COL15A1: variants seen among roughly 807,000 people sequenced by gnomAD.
COL15A1 encodes collagen alpha-1(XV) chain.
COL15A1 carries 111 observed loss-of-function variants against 165.9 expected under a neutral mutation model. The observed-to-expected ratio is 0.67, with a 90% confidence interval of 0.57 to 0.78. The LOEUF (loss-of-function observed/expected upper bound fraction) is 0.78, where lower values mean the gene tolerates loss of function less well. Ranked by LOEUF, COL15A1 falls within the 30% of genes least tolerant of loss-of-function variation. The pLI is 0.00. For synonymous variants in COL15A1, 659 were observed against 674.8 expected (o/e 0.98, Z 0.36); for missense variants, 1,745 against 1,789.7 (o/e 0.98, Z 0.45).
intron 11 of COL15A1, among the ~76,000 whole-genome samples, chr9:99,017,199 A>T (rs1426636842): frequency 6.6e-6 from 1 of 152,248 alleles, no homozygotes; most frequent in African/African-American, 2.4e-5. Context: ...TCTGTGCTCC[A>T]AGTTTACCTG....
At position 99,030,461 on chromosome 9, in the gene COL15A1, G is replaced by A. The variant is rs544949148; in HGVS notation, c.2044-4088G>A. Among the ~76,000 whole-genome samples the A allele has an allele frequency of 4.6e-5, 7 of 152,258 alleles. No homozygotes were observed. In the East Asian group the frequency reaches 9.6e-4, roughly 21 times the overall value. ...CTGTTCACATAAGTTCCAGTAAAGT[G>A]GACTCTTCTACCCACAAGTTAATCT... is the stretch of plus-strand genomic sequence containing the variant. On this transcript the variant is annotated intron_variant, in intron 16 of 41. Coordinates refer to ENST00000375001, the MANE Select transcript of COL15A1 (RefSeq NM_001855.5).
rs150216051 is a variant in COL15A1 at position 98,968,750 on chromosome 9, G to A, written c.101-16815G>A. The stretch of plus-strand genomic sequence containing the variant: ...GAACACAGGCTATTATCATTATTAA[G>A]TTGTTCCTTCAGCTCCTGCAGTTGG... On this transcript the variant is annotated intron_variant, in intron 2 of 41. Coordinates refer to ENST00000375001, the MANE Select transcript of COL15A1 (RefSeq NM_001855.5). Among the ~76,000 whole-genome samples, 288 of 152,126 alleles carry A rather than the reference G, an allele frequency of 1.9e-3. 2 individuals carry two copies. The highest frequency in any genetic ancestry group is 6.6e-3 in the African/African-American group (274 of 41,504).
chr9:98,959,227 CAA>C (rs60892848), intron 2 of COL15A1, among the ~76,000 whole-genome samples: 4 of 73,214 alleles, frequency 5.5e-5, no homozygotes, highest in Admixed American at 3.3e-4. Context: ...CCTGTCTCTA[CAA>C]AAAAAAAAAA....
intron 40 of COL15A1, among the ~76,000 whole-genome samples, chr9:99,068,263 C>T (rs548411192): frequency 4.6e-5 from 7 of 151,852 alleles, no homozygotes; most frequent in Admixed American, 2.0e-4. Flanking sequence ...GTCAGGAGTT[C>T]GAGACCAGCC....
At chr9:99,025,237 A>G (rs991247312) in intron 15 of COL15A1, among the ~76,000 whole-genome samples, 3 of 152,210 alleles carry the variant, frequency 2.0e-5, no homozygotes, top group Non-Finnish European at 4.4e-5. Context: ...GTCAATACAG[A>G]TGGCCCCCTA....
chr9:98,978,228 T>C (rs1420794358), intron 2 of COL15A1, among the ~76,000 whole-genome samples: 15 of 152,212 alleles, frequency 9.9e-5, no homozygotes, highest in Non-Finnish European at 2.2e-4. Context: ...AATTGCCACA[T>C]GCAAGCCTGG....
At chr9:99,056,140 A>G in intron 34 of COL15A1, 120 bp from the exon 35 acceptor site, 1 of 1,067,828 alleles carries the variant, frequency 9.4e-7, no homozygotes, top group Non-Finnish European at 1.4e-6. Context: ...AAGATTGAGG[A>G]TAGTAATAAC....
intron 4 of COL15A1, among the ~76,000 whole-genome samples, chr9:98,988,845 C>T (rs1270850795): frequency 6.6e-6 from 1 of 152,006 alleles, no homozygotes; most frequent in Non-Finnish European, 1.5e-5. Context: ...ATCGTTTGAA[C>T]CCAGGAGGCA....
rs749009884 is a variant in COL15A1, at chr9:99,062,202, T to G, written c.3532-43T>G. The G allele has an allele frequency of 4.4e-6, 7 of 1,601,454 alleles. No homozygotes were observed. In the Admixed American group the frequency reaches 1.2e-4, roughly 27 times the overall value. ...TTTTTCTGTTTTGAAATGGGAGAAG[T>G]TTGTAATTGATCTTTCATTTCAATG... On this transcript the variant is annotated intron_variant, in intron 37 of 41. Transcript: ENST00000375001.
At chr9:99,033,901 G>A (rs1004875549) in intron 16 of COL15A1, among the ~76,000 whole-genome samples, 4 of 151,956 alleles carry the variant, frequency 2.6e-5, no homozygotes, top group African/African-American at 9.7e-5. Context: ...ACTCCTGACC[G>A]CCCACCTGCT....
At chr9:99,029,061 C>T (rs1254231319) in intron 16 of COL15A1, among the ~76,000 whole-genome samples, 1 of 152,210 alleles carries the variant, frequency 6.6e-6, no homozygotes, top group East Asian at 1.9e-4. Context: ...GAAGAACTTG[C>T]TGAAGAAGAT....
chr9:98,953,459 C>T (rs1458886996), intron 2 of COL15A1, among the ~76,000 whole-genome samples: 1 of 152,116 alleles, frequency 6.6e-6, no homozygotes, highest in Non-Finnish European at 1.5e-5. Flanking sequence ...CCAACTCAAC[C>T]TAATCCAATT....
chr9:99,070,452 C>T lies in COL15A1; in HGVS notation c.*566C>T. The T allele has an allele frequency of 7.6e-6, 2 of 261,902 alleles. No homozygotes were observed. Among genetic ancestry groups the T allele is most frequent in the South Asian group, 6.6e-5 (2 of 30,104 alleles). 16.2% of individuals were successfully genotyped at this position (261,902 alleles called of 1,614,324 possible). A position where few individuals can be genotyped will look rare whatever the true frequency, so the allele number is the denominator to read the frequency against. Reference sequence around the variant, plus strand: ...TTTTTCCCTAAAATATTATTGCCATCATGCTTTAGGAATTTTATATTTTTA... The same window carrying T: ...TTTTTCCCTAAAATATTATTGCCATTATGCTTTAGGAATTTTATATTTTTA... On this transcript the variant is annotated 3_prime_UTR_variant, in exon 42 of 42. Transcript: ENST00000375001.
intron 36 of COL15A1, among the ~76,000 whole-genome samples, chr9:99,061,026 T>C (rs534955576): frequency 6.6e-6 from 1 of 152,356 alleles, no homozygotes; most frequent in Non-Finnish European, 1.5e-5. Flanking sequence ...TACCCTGCAG[T>C]TCGTTGGAAC....
chr9:98,981,287 G>A lies in COL15A1; in HGVS notation c.101-4278G>A, dbSNP rs192714790. ...AGCCTGGCCAACATGGCGAAACCCC[G>A]TCTCTACTAAAAGTACAAAAATTAG... On this transcript the variant is annotated intron_variant, in intron 2 of 41. Transcript: ENST00000375001. Among the ~76,000 whole-genome samples the A allele has an allele frequency of 6.6e-5, 10 of 152,160 alleles. No individual in the cohort carries two copies. In the East Asian group the frequency reaches 1.7e-3, roughly 27 times the overall value.
chr9:98,950,903 T>C (rs150131749), intron 2 of COL15A1, among the ~76,000 whole-genome samples: 205 of 152,222 alleles, frequency 1.3e-3, no homozygotes, highest in African/African-American at 4.7e-3. Flanking sequence ...GTGCCTGGCC[T>C]ATTTGCAATT....
chr9:98,973,032 C>T (rs115122038), intron 2 of COL15A1, among the ~76,000 whole-genome samples: 1,945 of 152,258 alleles, frequency 0.013, 42 homozygotes, highest in African/African-American at 0.044. Flanking sequence ...TGCCTCCTGG[C>T]AGAAGGAACG....
In COL15A1 at chr9:98,963,985, T is replaced by C. The variant is rs148173162; in HGVS notation, c.100+19735T>C. Among the ~76,000 whole-genome samples the C allele has an allele frequency of 5.5e-3, 836 of 152,372 alleles. 5 individuals carry two copies. The highest frequency in any genetic ancestry group is 0.017 in the Middle Eastern group (5 of 294). ...TATGCTTAGCACCTGACATTTGCCCTGTGCCACCACCCTGAGAGCTAAGTA... is the reference window on the plus strand; with the variant it reads ...TATGCTTAGCACCTGACATTTGCCCCGTGCCACCACCCTGAGAGCTAAGTA... On this transcript the variant is annotated intron_variant, in intron 2 of 41. Transcript: ENST00000375001.
At position 98,985,520 on chromosome 9, in the gene COL15A1, G is replaced by A. The variant is rs1451231113; in HGVS notation, c.101-45G>A. 4 of 1,541,200 alleles carry A rather than the reference G, an allele frequency of 2.6e-6. No individual in the cohort carries two copies. In the South Asian group the frequency reaches 4.8e-5, roughly 19 times the overall value. On this transcript the variant is annotated intron_variant, in intron 2 of 41. Transcript: ENST00000375001. ...CGTTTCTTCCTCATTTTCAAGCAAA[G>A]TGGAATATACCTGTAAAGCGTGGCC...
Sources: gnomAD v4.1 joint callset for allele counts (sites outside exome capture counted in the v4.1 genomes callset) on GRCh38, gnomAD v4.1.1 for gene constraint, MANE v1.5 for transcripts, NCBI Gene and HGNC (gene_info 2026-07-23, HGNC 2026-07-21) for gene names.